XIRP2: variants seen among roughly 807,000 people sequenced by gnomAD.
XIRP2 encodes the protein xin actin binding repeat containing 2.
In XIRP2, 236 loss-of-function variants were observed where a neutral mutation model predicts 277.0. That is an observed-to-expected ratio of 0.85 (90% CI 0.77 to 0.95). XIRP2 has a LOEUF of 0.95. XIRP2 is among the 40% of genes least tolerant of loss of function. XIRP2 has a pLI of 0.00. For synonymous variants in XIRP2, 1,490 were observed against 1,416.5 expected, an observed-to-expected ratio of 1.05 and a Z score of -1.17; for missense variants, 4,640 against 4,157.5, an observed-to-expected ratio of 1.12 and a Z score of -3.19.
intron 3 of XIRP2, among the ~76,000 whole-genome samples, chr2:167,195,595 C>T (rs1269900730): frequency 6.6e-6 from 1 of 152,254 alleles, no homozygotes; most frequent in East Asian, 1.9e-4. Flanking sequence ...AGGAGCGAGG[C>T]ACTGGAAGAT....
intron 2 of XIRP2, among the ~76,000 whole-genome samples, chr2:167,128,411 C>T (rs1306130890): frequency 2.6e-5 from 4 of 152,074 alleles, no homozygotes; most frequent in Non-Finnish European, 2.9e-5. Flanking sequence ...TCACAGGTTC[C>T]GTATCTGCAA....
At chr2:166,973,880 A>G (rs1686643201) in intron 2 of XIRP2, among the ~76,000 whole-genome samples, 1 of 152,196 alleles carries the variant, frequency 6.6e-6, no homozygotes, top group Non-Finnish European at 1.5e-5. Context: ...AGTTTTGGAT[A>G]TATTTATTGC....
chr2:167,009,287 C>A (rs950067819), intron 2 of XIRP2, among the ~76,000 whole-genome samples: 6 of 140,322 alleles, frequency 4.3e-5, no homozygotes, highest in African/African-American at 1.6e-4. Context: ...TTGTTCAATT[C>A]CCACCTATGA....
intron 3 of XIRP2, among the ~76,000 whole-genome samples, chr2:167,194,834 ATTTATC>A (rs919689454): frequency 6.6e-6 from 1 of 152,196 alleles, no homozygotes. Flanking sequence ...GATTAAATGA[ATTTATC>A]TTTATAAAGT....
At chr2:167,195,841 G>C (rs975663277) in intron 3 of XIRP2, among the ~76,000 whole-genome samples, 1 of 152,182 alleles carries the variant, frequency 6.6e-6, no homozygotes, top group Non-Finnish European at 1.5e-5. Context: ...TGTTGAAAGC[G>C]TCTGACTCTG....
intron 2 of XIRP2, among the ~76,000 whole-genome samples, chr2:167,035,081 C>T (rs946441290): frequency 1.3e-5 from 2 of 152,176 alleles, no homozygotes; most frequent in African/African-American, 4.8e-5. Context: ...GAGGCCTCCC[C>T]AGCCATGTGG....
rs766437963 is a variant in XIRP2, at chr2:167,247,304, G to T, written c.5912G>T (p.Arg1971Met). Residue 1971 changes from arginine to methionine, a missense_variant, in exon 9 of 11, where the codon AGG becomes ATG. Physicochemically the swap from Arg to Met is moderately conservative, Grantham distance 91 (BLOSUM62 -1). Coordinates refer to ENST00000409195, the MANE Select transcript of XIRP2 (RefSeq NM_152381.6). ...KTDIHQVAVQ[R>M]NKNSLLQPKP... ...GATATTCATCAGGTTGCTGTCCAGA[G>T]GAACAAAAATAGTCTTCTTCAGCCA... is the stretch of plus-strand genomic sequence containing the variant. 2 of 1,613,708 alleles carry T rather than the reference G, an allele frequency of 1.2e-6. No individual in the cohort carries two copies. The highest frequency in any genetic ancestry group is 1.7e-6 in the Non-Finnish European group (2 of 1,179,846).
chr2:166,940,739 A>G (rs1360116474), intron 2 of XIRP2, among the ~76,000 whole-genome samples: 1 of 152,156 alleles, frequency 6.6e-6, no homozygotes, highest in African/African-American at 2.4e-5. Context: ...TGTGTATCAG[A>G]AGTGGAGGCT....
intron 3 of XIRP2, among the ~76,000 whole-genome samples, chr2:167,158,607 T>G (rs145021153): frequency 6.6e-6 from 1 of 152,310 alleles, no homozygotes; most frequent in East Asian, 1.9e-4. Flanking sequence ...ATAAAGCATT[T>G]TTACAAACAT....
chr2:166,957,749 A>G (rs538809361), intron 2 of XIRP2, among the ~76,000 whole-genome samples: 23 of 151,966 alleles, frequency 1.5e-4, no homozygotes, highest in African/African-American at 4.8e-4. Context: ...AAAACAAACC[A>G]TGCAGATAGA....
chr2:167,030,707 C>T (rs961208923), intron 2 of XIRP2, among the ~76,000 whole-genome samples: 2 of 152,132 alleles, frequency 1.3e-5, no homozygotes, highest in Non-Finnish European at 2.9e-5. Context: ...GTAAAGAGTT[C>T]TGCAGATGTC....
chr2:167,033,625 GAAAACAAAAC>G (rs528551814), intron 2 of XIRP2, among the ~76,000 whole-genome samples: 1 of 151,562 alleles, frequency 6.6e-6, no homozygotes, highest in Non-Finnish European at 1.5e-5. Flanking sequence ...TACAACAAGA[GAAAACAAAAC>G]AAAACAAAAC....
intron 2 of XIRP2, among the ~76,000 whole-genome samples, chr2:167,063,166 C>G (rs553956808): frequency 6.6e-6 from 1 of 151,698 alleles, no homozygotes; most frequent in East Asian, 1.9e-4. Flanking sequence ...TCTATTTTTT[C>G]TTGGGTTCTC....
At chr2:167,140,989 T>C (rs991261144) in intron 3 of XIRP2, 1 of 152,142 alleles carries the variant, frequency 6.6e-6, no homozygotes, top group Non-Finnish European at 1.5e-5. Context: ...GGTCTATTCA[T>C]GAGGTCGTTC....
intron 3 of XIRP2, among the ~76,000 whole-genome samples, chr2:167,182,127 G>C (rs1693034399): frequency 6.6e-6 from 1 of 152,088 alleles, no homozygotes; most frequent in South Asian, 2.1e-4. Flanking sequence ...AATTATACCT[G>C]ATTAAATTTA....
intron 2 of XIRP2, among the ~76,000 whole-genome samples, chr2:167,040,044 A>G (rs1688621079): frequency 6.6e-6 from 1 of 152,190 alleles, no homozygotes; most frequent in African/African-American, 2.4e-5. Flanking sequence ...ATGGATTGCT[A>G]TGTATTGCAA....
intron 2 of XIRP2, among the ~76,000 whole-genome samples, chr2:167,057,196 C>A (rs1689059891): frequency 6.6e-6 from 1 of 152,062 alleles, no homozygotes; most frequent in African/African-American, 2.4e-5. Context: ...TGTTTCAGGA[C>A]CCAGATAATA....
intron 2 of XIRP2, among the ~76,000 whole-genome samples, chr2:167,086,857 A>C (rs1415490320): frequency 6.6e-6 from 1 of 151,532 alleles, no homozygotes; most frequent in Non-Finnish European, 1.5e-5. Flanking sequence ...AATTTTTTTC[A>C]AAGTTTTCAA....
chr2:167,252,085 G>A (rs957253356), intron 9 of XIRP2, 138 bp downstream of exon 9: 3 of 1,302,004 alleles, frequency 2.3e-6, no homozygotes, highest in Non-Finnish European at 3.0e-6. Flanking sequence ...TCCCATGTAT[G>A]CTTATAGACT....
Sources: allele counts gnomAD v4.1 joint callset (sites outside exome capture counted in the v4.1 genomes callset), GRCh38; gene constraint gnomAD v4.1.1; transcripts MANE v1.5; gene names NCBI Gene and HGNC (gene_info 2026-07-23, HGNC 2026-07-21).